Variants in HPSE2 observed in about 807,000 individuals in gnomAD.
HPSE2 encodes heparanase 2 (inactive), also known as inactive heparanase-2.
A neutral mutation model predicts 60.5 loss-of-function variants in HPSE2; 38 were observed. The observed-to-expected ratio is 0.63, with a 90% CI of 0.48 to 0.82. The LOEUF is 0.82. Among genes scored for constraint, HPSE2 ranks in the 40% least tolerant of loss-of-function variants. HPSE2 has a pLI of 0.00. For missense variants in HPSE2, 713 were observed against 740.4 expected, an observed-to-expected ratio of 0.96 and a Z score of 0.43; for synonymous variants, 295 against 293.2, an observed-to-expected ratio of 1.01 and a Z score of -0.06.
At chr10:98,648,967 A>G (rs1946847233) in intron 6 of HPSE2, among the ~76,000 whole-genome samples, 1 of 152,142 alleles carries the variant, frequency 6.6e-6, no homozygotes. Context: ...AGAACATCCT[A>G]CAACTCTCAG....
chr10:99,180,908 A>AAAAAC (rs1847739342), intron 2 of HPSE2, among the ~76,000 whole-genome samples: 1 of 149,258 alleles, frequency 6.7e-6, no homozygotes, highest in African/African-American at 2.5e-5. Context: ...AAAAAAAAAA[A>AAAAAC]AAAAAAAAAA....
chr10:99,134,636 G>A (rs868846651), intron 3 of HPSE2, among the ~76,000 whole-genome samples: 20 of 152,252 alleles, frequency 1.3e-4, no homozygotes, highest in African/African-American at 3.6e-4. Flanking sequence ...CATAAGTGAA[G>A]GAGAAATAAA....
At chr10:98,780,415 T>G in intron 3 of HPSE2, among the ~76,000 whole-genome samples, 1 of 152,204 alleles carries the variant, frequency 6.6e-6, no homozygotes, top group East Asian at 1.9e-4. Context: ...CTCTTTGTTA[T>G]AACTTTTAAG....
At chr10:98,949,203 TAA>T (rs959754773) in intron 3 of HPSE2, among the ~76,000 whole-genome samples, 51 of 151,434 alleles carry the variant, frequency 3.4e-4, no homozygotes, top group African/African-American at 1.2e-3. Flanking sequence ...AATAATCCTT[TAA>T]AAAAAAAGTG....
At chr10:98,656,559 C>A (rs1448426801) in intron 6 of HPSE2, among the ~76,000 whole-genome samples, 3 of 152,118 alleles carry the variant, frequency 2.0e-5, no homozygotes, top group African/African-American at 7.2e-5. Flanking sequence ...CATGTCATCA[C>A]ATAATTGACT....
intron 9 of HPSE2, among the ~76,000 whole-genome samples, chr10:98,507,886 A>C (rs1271250662): frequency 6.6e-6 from 1 of 152,232 alleles, no homozygotes; most frequent in African/African-American, 2.4e-5. Context: ...TTCTTAAGGC[A>C]ATGACATGAA....
intron 3 of HPSE2, among the ~76,000 whole-genome samples, chr10:98,903,522 G>A (rs1188177688): frequency 6.6e-6 from 1 of 152,052 alleles, no homozygotes. Flanking sequence ...CCTCTTTAGT[G>A]CTAAGATCAA....
chr10:99,277,786 T>C, the HPSE2 span, among the ~76,000 whole-genome samples: 4 of 152,248 alleles, frequency 2.6e-5, no homozygotes, highest in South Asian at 4.1e-4. Context: ...TTAACATGTG[T>C]GGACCTCACT....
At chr10:98,926,338 T>C (rs1160408838) in intron 3 of HPSE2, among the ~76,000 whole-genome samples, 1 of 152,000 alleles carries the variant, frequency 6.6e-6, no homozygotes, top group Non-Finnish European at 1.5e-5. Flanking sequence ...GAGACAAAAT[T>C]AATATTAAAT....
At chr10:98,629,592 T>G (rs1946307312) in intron 7 of HPSE2, among the ~76,000 whole-genome samples, 1 of 152,210 alleles carries the variant, frequency 6.6e-6, no homozygotes, top group African/African-American at 2.4e-5. Flanking sequence ...CTCCCTGAGT[T>G]CTGGATCTTG....
At chr10:99,159,583 G>T (rs1052779141) in intron 2 of HPSE2, among the ~76,000 whole-genome samples, 21 of 152,090 alleles carry the variant, frequency 1.4e-4, no homozygotes, top group African/African-American at 4.8e-4. Flanking sequence ...GCAAGTTTTT[G>T]TAAGTCTAAA....
At chr10:99,254,391 C>A in the HPSE2 span, among the ~76,000 whole-genome samples, 1 of 152,044 alleles carries the variant, frequency 6.6e-6, no homozygotes, top group African/African-American at 2.4e-5. Context: ...CTGGGGACTA[C>A]TAGAGGAGTG....
chr10:99,087,330 A>T (rs529849743), intron 3 of HPSE2, among the ~76,000 whole-genome samples: 28 of 152,302 alleles, frequency 1.8e-4, no homozygotes, highest in African/African-American at 6.5e-4. Flanking sequence ...GCTCTCAGTA[A>T]ATCTGTGATA....
chr10:99,162,559 C>T (rs1024001883), intron 2 of HPSE2, among the ~76,000 whole-genome samples: 1 of 152,182 alleles, frequency 6.6e-6, no homozygotes, highest in Non-Finnish European at 1.5e-5. Flanking sequence ...GATGCTGACT[C>T]TTCCTCAGAT....
At chr10:99,244,139 T>G in the HPSE2 span, among the ~76,000 whole-genome samples, 1 of 150,890 alleles carries the variant, frequency 6.6e-6, no homozygotes, top group Non-Finnish European at 1.5e-5. Context: ...TGCCTCAGCC[T>G]CCAGAGTAGC....
chr10:98,719,328 C>T (rs1266444421), intron 5 of HPSE2, among the ~76,000 whole-genome samples: 1 of 151,888 alleles, frequency 6.6e-6, no homozygotes, highest in South Asian at 2.1e-4. Flanking sequence ...GATATATAAA[C>T]AAATGTTATC....
chr10:98,720,259 G>T (rs1171094828), intron 5 of HPSE2, among the ~76,000 whole-genome samples: 5 of 152,070 alleles, frequency 3.3e-5, no homozygotes, highest in African/African-American at 1.2e-4. Context: ...CTGGGTCTCA[G>T]GCAAAATGGT....
At chr10:98,676,376 C>T (rs1947643050) in intron 6 of HPSE2, among the ~76,000 whole-genome samples, 1 of 152,148 alleles carries the variant, frequency 6.6e-6, no homozygotes, top group Non-Finnish European at 1.5e-5. Flanking sequence ...CTTTGTTTAT[C>T]CCATGGCTTT....
chr10:98,533,489 A>T (rs1462629456), intron 9 of HPSE2, among the ~76,000 whole-genome samples: 2 of 152,178 alleles, frequency 1.3e-5, no homozygotes, highest in African/African-American at 4.8e-5. Flanking sequence ...TCCAAATGTC[A>T]ATTTTAAACA....
Sources: gnomAD v4.1 joint callset for allele counts (sites outside exome capture counted in the v4.1 genomes callset) on GRCh38, gnomAD v4.1.1 for gene constraint, MANE v1.5 for transcripts, NCBI Gene and HGNC (gene_info 2026-07-23, HGNC 2026-07-21) for gene names.